The following RRM2B variants were observed in gnomAD, a reference collection of about 807,000 sequenced individuals.
RRM2B encodes ribonucleoside-diphosphate reductase subunit M2 B.
In RRM2B, 20 loss-of-function variants were observed where a neutral mutation model predicts 45.9. The observed-to-expected ratio is 0.44, with a 90% CI of 0.31 to 0.63. The LOEUF is 0.63. Ranked by LOEUF, RRM2B falls within the 30% of genes least tolerant of loss-of-function variation. The pLI, the probability that RRM2B is intolerant of heterozygous loss-of-function variation, is 0.09. For synonymous variants in RRM2B, 124 were observed against 132.3 expected (o/e 0.94, Z 0.43); for missense variants, 320 against 414.7 (o/e 0.77, Z 1.98).
At chr8:102,225,784 A>G in intron 3 of RRM2B, 134 bp downstream of exon 3, 1 of 685,056 alleles carries the variant, frequency 1.5e-6, no homozygotes, top group Non-Finnish European at 2.7e-6. Context: ...CATCAGAAAA[A>G]CATTTAAAGA....
intron 8 of RRM2B, 25 bp downstream of exon 8, chr8:102,212,751 A>T: frequency 8.6e-7 from 1 of 1,160,410 alleles, no homozygotes; most frequent in Non-Finnish European, 1.3e-6. Flanking sequence ...TTTAACTAGT[A>T]GTAACACATT....
At chr8:102,233,207 C>T (rs1391004739) in intron 1 of RRM2B, among the ~76,000 whole-genome samples, 1 of 152,180 alleles carries the variant, frequency 6.6e-6, no homozygotes, top group Non-Finnish European at 1.5e-5. Flanking sequence ...TTCCTTACTC[C>T]AGCGTCCACC....
rs1023732501 is a variant in RRM2B, at chr8:102,205,049, T to G, written c.*3084A>C. 6.6e-6 allele frequency: 1 copy of G among 152,206 alleles called. No homozygotes were observed. The highest frequency in any genetic ancestry group is 1.5e-5 in the Non-Finnish European group (1 of 68,012). 9.4% of individuals were successfully genotyped at this position (152,206 alleles called of 1,614,324 possible). ...TGGTGGGAAACAAAGAGATTTCAAT[T>G]CTGTGCCATTCATCCAGATTCTGCT... On this transcript the variant is annotated 3_prime_UTR_variant, in exon 9 of 9. Transcript: ENST00000251810.
chr8:102,231,488 A>G (rs1400748821), intron 2 of RRM2B, among the ~76,000 whole-genome samples: 1 of 152,208 alleles, frequency 6.6e-6, no homozygotes. Flanking sequence ...TTTTTTGACT[A>G]CAGCTGCAAT....
chr8:102,216,906 G>T (rs1422263468), intron 6 of RRM2B, among the ~76,000 whole-genome samples: 2 of 152,040 alleles, frequency 1.3e-5, no homozygotes, highest in Non-Finnish European at 2.9e-5. Context: ...AGATGGGGCT[G>T]AAAATTGTTA....
In RRM2B at chr8:102,214,300, G is replaced by C. The variant is rs144663750; in HGVS notation, c.685-142C>G. On this transcript the variant is annotated intron_variant, in intron 6 of 8. Coordinates refer to ENST00000251810, the MANE Select transcript of RRM2B (RefSeq NM_015713.5). ...ATGGAAGAGGGGTTAATAGGACTAG[G>C]AACTTCCTTCTTTCAAATCTCATTA... The C allele has an allele frequency of 1.0e-3, 692 of 675,066 alleles. 1 individual carries two copies. The highest frequency in any genetic ancestry group is 2.6e-3 in the Middle Eastern group (11 of 4,162). 41.8% of individuals were successfully genotyped at this position (675,066 alleles called of 1,614,324 possible).
rs749616245 is a variant in RRM2B at position 102,238,726 on chromosome 8, C to T, written c.48+101G>A. On this transcript the variant is annotated intron_variant, in intron 1 of 8. Transcript: ENST00000251810. ...GCGAGGGCGGGCGGACAGGCCTGTC[C>T]TGACCGCGGCGAATAACATTTCCTA... 10 of 1,591,804 alleles carry T rather than the reference C, an allele frequency of 6.3e-6. No homozygotes were observed. In the East Asian group the frequency reaches 1.8e-4, roughly 29 times the overall value.
chr8:102,232,124 T>C (rs1416482458), intron 2 of RRM2B, 25 bp downstream of exon 2: 2 of 1,609,324 alleles, frequency 1.2e-6, no homozygotes, highest in Admixed American at 1.7e-5. Context: ...AGGATGTGAA[T>C]GCTCTTGGAG....
intron 3 of RRM2B, among the ~76,000 whole-genome samples, chr8:102,225,521 C>T (rs1228651693): frequency 2.0e-5 from 3 of 152,072 alleles, no homozygotes; most frequent in Non-Finnish European, 2.9e-5. Context: ...TATGAGCCAC[C>T]GTACCCGGCC....
At chr8:102,224,741 T>C in intron 4 of RRM2B, 144 bp downstream of exon 4, 1 of 817,784 alleles carries the variant, frequency 1.2e-6, no homozygotes, top group Non-Finnish European at 1.9e-6. Context: ...TAAAACCCAA[T>C]ACATTATTAA....
chr8:102,238,952 G>T lies in RRM2B; in HGVS notation c.-78C>A. The T allele has an allele frequency of 6.8e-7, 1 of 1,469,938 alleles. No individual in the cohort carries two copies. The highest frequency in any genetic ancestry group is 1.4e-5 in the African/African-American group (1 of 72,844). 91.1% of individuals were successfully genotyped at this position (1,469,938 alleles called of 1,614,324 possible). On this transcript the variant is annotated 5_prime_UTR_variant, in exon 1 of 9. Transcript: ENST00000251810. ...CACCTCCAACTACGACAGCACCCAG[G>T]TGGTCCGCTGGTCCGCTGGGTCCGC...
chr8:102,214,416 A>G, intron 6 of RRM2B: 1 of 433,922 alleles, frequency 2.3e-6, no homozygotes, highest in Non-Finnish European at 4.3e-6. Context: ...ATGAACAAAC[A>G]AAATCTGCAA....
intron 5 of RRM2B, chr8:102,219,159 C>G: frequency 1.7e-6 from 1 of 579,662 alleles, no homozygotes; most frequent in Non-Finnish European, 3.0e-6. Flanking sequence ...CTCTGTCAGA[C>G]GATGGACTTC....
chr8:102,233,195 T>C (rs747083654), intron 1 of RRM2B, among the ~76,000 whole-genome samples: 17 of 152,246 alleles, frequency 1.1e-4, no homozygotes, highest in Non-Finnish European at 1.5e-4. Flanking sequence ...AGGCCCGTTA[T>C]GTTCCTTACT....
intron 2 of RRM2B, among the ~76,000 whole-genome samples, chr8:102,226,797 T>C (rs1810940242): frequency 6.6e-6 from 1 of 152,220 alleles, no homozygotes; most frequent in Non-Finnish European, 1.5e-5. Flanking sequence ...CACTGCAACC[T>C]TCGCCTCCCA....
At chr8:102,217,926 AAAG>A (rs1433921159) in intron 6 of RRM2B, among the ~76,000 whole-genome samples, 1 of 152,174 alleles carries the variant, frequency 6.6e-6, no homozygotes, top group Non-Finnish European at 1.5e-5. Flanking sequence ...TGTGGCTGAA[AAAG>A]AAGAAGCAAT....
intron 2 of RRM2B, 118 bp downstream of exon 2, chr8:102,232,031 C>T (rs1354178728): frequency 2.1e-5 from 21 of 977,786 alleles, no homozygotes; most frequent in Non-Finnish European, 3.3e-5. Flanking sequence ...AATTCCAACA[C>T]TTATCTTCTA....
chr8:102,236,070 T>A (rs1563668772), intron 1 of RRM2B, among the ~76,000 whole-genome samples: 2 of 152,164 alleles, frequency 1.3e-5, no homozygotes. Context: ...CAGCTGAGAT[T>A]AAAACAGGCT....
At chr8:102,238,139 T>G (rs1295854355) in intron 1 of RRM2B, among the ~76,000 whole-genome samples, 1 of 152,242 alleles carries the variant, frequency 6.6e-6, no homozygotes, top group Non-Finnish European at 1.5e-5. Flanking sequence ...ATAAACAACT[T>G]GGATGAACAA....
Sources: allele counts gnomAD v4.1 joint callset (sites outside exome capture counted in the v4.1 genomes callset), GRCh38; gene constraint gnomAD v4.1.1; transcripts MANE v1.5; gene names NCBI Gene and HGNC (gene_info 2026-07-23, HGNC 2026-07-21).